Variants in ADAM17 observed in about 807,000 individuals in gnomAD.
The protein encoded by ADAM17 is disintegrin and metalloproteinase domain-containing protein 17.
A neutral mutation model predicts 96.7 loss-of-function variants in ADAM17; 39 were observed. The observed-to-expected ratio is 0.40, with a 90% CI of 0.31 to 0.53. The LOEUF (loss-of-function observed/expected upper bound fraction) is 0.53, where lower values mean the gene tolerates loss of function less well. Ranked by LOEUF, ADAM17 falls within the 20% of genes least tolerant of loss-of-function variation. The pLI, the probability that ADAM17 is intolerant of heterozygous loss-of-function variation, is 0.44. For synonymous variants in ADAM17, 344 were observed against 359.2 expected, an observed-to-expected ratio of 0.96 and a Z score of 0.48; for missense variants, 777 against 1,013.2, an observed-to-expected ratio of 0.77 and a Z score of 3.17.
In ADAM17 at chr2:9,490,498, G is replaced by A. The variant is rs202041986; in HGVS notation, c.2154C>T (p.Ser718=). The A allele has an allele frequency of 1.2e-6, 2 of 1,613,074 alleles. No homozygotes were observed. The highest frequency in any genetic ancestry group is 2.2e-5 in the East Asian group (1 of 44,860). The change falls in exon 19 of 19, where the codon AGC becomes AGT. Residue 718 remains serine (S), a synonymous_variant. Transcript: ENST00000310823. ...TAATGCGAACCGATGCAGAATCCAT[G>A]CTGCTCAGCATTTCGACGTTCTGCA... is the stretch of plus-strand genomic sequence containing the variant. ...FHPSNVEMLS[S]MDSASVRIIK... is the part of the protein sequence containing the mutation.
chr2:9,543,248 G>A lies in ADAM17; in HGVS notation c.135C>T (p.Leu45=). Residue 45 remains leucine (L), a synonymous_variant, in exon 2 of 19, where the codon CTC becomes CTT. Coordinates refer to ENST00000310823, the MANE Select transcript of ADAM17 (RefSeq NM_003183.6). ...LDSLLSDYDI[L]SLSNIQQHSV... is the part of the protein sequence containing the mutation. The stretch of plus-strand genomic sequence containing the variant: ...AATGCTGCTGGATATTAGATAAAGA[G>A]AGAATATCGTAGTCTGAGAGCAAAG... The A allele has an allele frequency of 6.2e-7, 1 of 1,608,808 alleles. No individual in the cohort carries two copies. Among genetic ancestry groups the A allele is most frequent in the Admixed American group, 1.7e-5 (1 of 59,150 alleles).
chr2:9,521,789 G>C (rs1033383314), intron 7 of ADAM17: 3 of 133,286 alleles, frequency 2.3e-5, no homozygotes, highest in Admixed American at 7.3e-5. Context: ...CCATTAGTAA[G>C]TGTGAGATAA....
chr2:9,541,556 C>T, intron 2 of ADAM17, among the ~76,000 whole-genome samples: 1 of 152,256 alleles, frequency 6.6e-6, no homozygotes, highest in South Asian at 2.1e-4. Flanking sequence ...AGAGCAAAAA[C>T]TCTGTCTCAA....
chr2:9,533,422 C>G (rs1664833267), intron 4 of ADAM17, among the ~76,000 whole-genome samples: 1 of 151,876 alleles, frequency 6.6e-6, no homozygotes, highest in African/African-American at 2.4e-5. Context: ...TGGTGCGCAC[C>G]TGTAATCCCA....
At chr2:9,497,320 C>T in intron 13 of ADAM17, 72 bp from the exon 14 acceptor site, 6 of 1,578,674 alleles carry the variant, frequency 3.8e-6, no homozygotes, top group Non-Finnish European at 5.2e-6. Flanking sequence ...GCATAATACG[C>T]TGTTTCTCAT....
At chr2:9,552,662 CT>C (rs1191653239) in intron 1 of ADAM17, among the ~76,000 whole-genome samples, 1 of 152,186 alleles carries the variant, frequency 6.6e-6, no homozygotes, top group Non-Finnish European at 1.5e-5. Flanking sequence ...ACTACATCCT[CT>C]TTTATTAAAA....
intron 4 of ADAM17, among the ~76,000 whole-genome samples, chr2:9,531,021 G>A (rs1572942601): frequency 3.3e-5 from 5 of 152,012 alleles, no homozygotes; most frequent in Non-Finnish European, 7.4e-5. Context: ...ACAGTGGAGC[G>A]ATCTCAGCTC....
chr2:9,544,833 A>G (rs998724663), intron 1 of ADAM17, among the ~76,000 whole-genome samples: 6 of 151,632 alleles, frequency 4.0e-5, no homozygotes, highest in African/African-American at 1.2e-4. Flanking sequence ...TCAAAAGAAG[A>G]AAAAAAAAGC....
intron 13 of ADAM17, among the ~76,000 whole-genome samples, chr2:9,499,254 A>C (rs773242064): frequency 1.3e-5 from 2 of 152,118 alleles, no homozygotes; most frequent in Non-Finnish European, 2.9e-5. Context: ...GATAAGAACA[A>C]ACGTTTTCAA....
Position 9,506,359 on chromosome 2 carries a change from G to GTTT in ADAM17, c.1345-997_1345-995dup, listed in dbSNP as rs769256744. 4.6e-4 allele frequency among the ~76,000 whole-genome samples: 34 copies of GTTT among 73,238 alleles called. 3 individuals carry two copies. The highest frequency in any genetic ancestry group is 1.2e-3 in the African/African-American group (22 of 17,652). 48.0% of individuals were successfully genotyped at this position (73,238 alleles called of 152,430 possible). ...CTTTTTAAAAAACATCTTCAAATCT[G>GTTT]TTTTTTTTTTTTTTTTTTTTTTTTT... On this transcript the variant is annotated intron_variant, in intron 11 of 18. Transcript: ENST00000310823.
chr2:9,506,359 GTT>G (rs769256744), intron 11 of ADAM17, among the ~76,000 whole-genome samples: 810 of 73,150 alleles, frequency 0.011, 4 homozygotes, highest in African/African-American at 0.016. Context: ...CTTCAAATCT[GTT>G]TTTTTTTTTT....
intron 4 of ADAM17, among the ~76,000 whole-genome samples, chr2:9,528,549 G>A (rs913894132): frequency 2.6e-5 from 4 of 152,172 alleles, no homozygotes; most frequent in Non-Finnish European, 5.9e-5. Context: ...AATGTTACAA[G>A]GCCAGAGTAA....
intron 1 of ADAM17, among the ~76,000 whole-genome samples, chr2:9,551,811 C>T (rs1189312418): frequency 6.6e-6 from 1 of 152,060 alleles, no homozygotes; most frequent in African/African-American, 2.4e-5. Flanking sequence ...TTGTGTACAA[C>T]GAAGCATTCG....
chr2:9,502,717 A>G (rs1663080192), intron 12 of ADAM17, among the ~76,000 whole-genome samples: 1 of 151,826 alleles, frequency 6.6e-6, no homozygotes, highest in Non-Finnish European at 1.5e-5. Flanking sequence ...CATCTCTACT[A>G]AAAATACAAA....
chr2:9,539,305 C>T (rs1665115432), intron 2 of ADAM17, among the ~76,000 whole-genome samples: 1 of 152,022 alleles, frequency 6.6e-6, no homozygotes, highest in African/African-American at 2.4e-5. Context: ...GACGGGGTTT[C>T]ACCGTGTTAG....
intron 1 of ADAM17, among the ~76,000 whole-genome samples, chr2:9,552,932 A>G (rs1237795940): frequency 5.3e-5 from 8 of 152,222 alleles, no homozygotes; most frequent in Non-Finnish European, 1.0e-4. Context: ...GCAATATAGT[A>G]GTATTTGTAG....
intron 8 of ADAM17, among the ~76,000 whole-genome samples, chr2:9,518,486 T>C (rs1260256789): frequency 6.6e-6 from 1 of 152,084 alleles, no homozygotes; most frequent in African/African-American, 2.4e-5. Flanking sequence ...AAGGGAATAG[T>C]TCGGGAGCTT....
intron 14 of ADAM17, among the ~76,000 whole-genome samples, chr2:9,495,924 T>A (rs988046240): frequency 1.2e-4 from 17 of 147,626 alleles, no homozygotes; most frequent in Non-Finnish European, 1.8e-4. Flanking sequence ...CTCAAACAAC[T>A]CCTGAGCTCA....
At chr2:9,545,398 G>A (rs1288663890) in intron 1 of ADAM17, among the ~76,000 whole-genome samples, 4 of 151,892 alleles carry the variant, frequency 2.6e-5, no homozygotes, top group Non-Finnish European at 5.9e-5. Context: ...GCAAAACCCT[G>A]TCTCTACTAA....
Sources: allele counts gnomAD v4.1 joint callset (sites outside exome capture counted in the v4.1 genomes callset), GRCh38; gene constraint gnomAD v4.1.1; transcripts MANE v1.5; gene names NCBI Gene and HGNC (gene_info 2026-07-23, HGNC 2026-07-21).